FAAH2: variants seen among roughly 807,000 people sequenced by gnomAD.
FAAH2 encodes fatty-acid amide hydrolase 2.
Under a neutral mutation model 36.9 loss-of-function variants are expected in FAAH2, and 60 were observed. The observed-to-expected ratio is 1.63, with a 90% CI of 1.32 to 2.02. FAAH2 has a LOEUF of 2.02. FAAH2 is among the 30% of genes most tolerant of loss of function. The probability of loss-of-function intolerance (pLI) is 0.00; values close to 1 mark genes in which losing one functional copy is unlikely to be tolerated. For synonymous variants in FAAH2, 214 were observed against 143.8 expected, an observed-to-expected ratio of 1.49 and a Z score of -3.49; for missense variants, 689 against 397.5, an observed-to-expected ratio of 1.73 and a Z score of -6.23.
At chrX:57,193,577 C>T in the FAAH2 span, among the ~76,000 whole-genome samples, 173 of 111,329 alleles carry the variant, frequency 1.6e-3, no homozygotes, top group African/African-American at 5.3e-3. Flanking sequence ...TGGAGCATCA[C>T]GGAACCTACC....
chrX:57,448,367 A>T (rs899568419), intron 9 of FAAH2, among the ~76,000 whole-genome samples, 157 bp from the exon 10 acceptor site: 9 of 112,696 alleles, frequency 8.0e-5, no homozygotes. Flanking sequence ...ACAAACTAGA[A>T]GGAGTTAAAA....
chrX:57,275,290 T>G, the FAAH2 span, among the ~76,000 whole-genome samples: 1 of 112,534 alleles, frequency 8.9e-6, no homozygotes, highest in Admixed American at 9.4e-5. Flanking sequence ...ATCTCTTCAT[T>G]GCTGAACATA....
chrX:57,254,122 G>A, the FAAH2 span, among the ~76,000 whole-genome samples: 132 of 110,588 alleles, frequency 1.2e-3, no homozygotes, highest in African/African-American at 4.2e-3. Context: ...GGCAAGGGGT[G>A]CAATCCTGGT....
At chrX:57,454,720 A>G (rs1411896925) in intron 10 of FAAH2, among the ~76,000 whole-genome samples, 1 of 112,020 alleles carries the variant, frequency 8.9e-6, no homozygotes, top group African/African-American at 3.2e-5. Context: ...CTGGAAGACC[A>G]GCTTATACAA....
chrX:57,171,637 G>A, the FAAH2 span, among the ~76,000 whole-genome samples: 2 of 111,446 alleles, frequency 1.8e-5, no homozygotes, highest in Non-Finnish European at 3.8e-5. Context: ...ATTTGTTCGA[G>A]TTCCTTGTAG....
At chrX:57,276,505 T>C in the FAAH2 span, among the ~76,000 whole-genome samples, 1 of 110,633 alleles carries the variant, frequency 9.0e-6, no homozygotes, top group Admixed American at 9.6e-5. Context: ...AACACCACAG[T>C]TGAAATAACT....
chrX:57,329,108 C>T (rs978008560), intron 3 of FAAH2, among the ~76,000 whole-genome samples: 3 of 112,266 alleles, frequency 2.7e-5, no homozygotes, highest in Non-Finnish European at 3.8e-5. Flanking sequence ...TTATGCTCCT[C>T]AGCTGCAGCA....
At chrX:57,356,349 T>A (rs757462222) in intron 5 of FAAH2, among the ~76,000 whole-genome samples, 9 of 110,871 alleles carry the variant, frequency 8.1e-5, no homozygotes, top group Non-Finnish European at 1.3e-4. Context: ...AAAAAAAAAG[T>A]TAGATAGAAT....
chrX:57,419,248 G>T (rs1205280141), intron 7 of FAAH2, among the ~76,000 whole-genome samples: 2 of 110,637 alleles, frequency 1.8e-5, no homozygotes, highest in Non-Finnish European at 3.8e-5. Context: ...TGGGATGGCT[G>T]GGTCAAATGG....
Position 57,292,504 on chromosome X carries a change from T to G in FAAH2, c.199T>G (p.Cys67Gly). ...AKLIRQRKVK[C>G]IDVVQAYINR... ...AAAGTATTGTATTTTGCAGGTGAAA[T>G]GTATAGATGTTGTTCAGGCTTATAT... The change falls in exon 2 of 11, where the codon TGT becomes GGT. Residue 67 changes from cysteine (C) to glycine (G), a missense_variant. Physicochemically the swap from Cys to Gly is radical, Grantham distance 159. Coordinates refer to ENST00000374900, the MANE Select transcript of FAAH2 (RefSeq NM_174912.4). 1 of 1,205,186 alleles carries G rather than the reference T, an allele frequency of 8.3e-7. No homozygotes were observed. Among genetic ancestry groups the G allele is most frequent in the Non-Finnish European group, 1.1e-6 (1 of 891,881 alleles).
the FAAH2 span, among the ~76,000 whole-genome samples, chrX:57,217,037 A>G: frequency 3.6e-5 from 4 of 110,787 alleles, no homozygotes; most frequent in Non-Finnish European, 7.6e-5. Flanking sequence ...GTGATGTTGA[A>G]CATTTTTTCA....
chrX:57,394,313 G>T, intron 7 of FAAH2: 1 of 1,033,940 alleles, frequency 9.7e-7, no homozygotes, highest in Non-Finnish European at 1.4e-6. Flanking sequence ...GGGTGTTGGA[G>T]TTATTCCAGT....
At chrX:57,158,418 G>A in the FAAH2 span, among the ~76,000 whole-genome samples, 19 of 111,886 alleles carry the variant, frequency 1.7e-4, no homozygotes, top group East Asian at 2.8e-4. Context: ...CTGAGGAATC[G>A]CCACACTGAC....
At chrX:57,175,899 C>G in the FAAH2 span, among the ~76,000 whole-genome samples, 3 of 111,777 alleles carry the variant, frequency 2.7e-5, no homozygotes, top group African/African-American at 9.7e-5. Context: ...AGATAGGACC[C>G]CAATTGGTTC....
chrX:57,475,450 C>T (rs748728202), intron 10 of FAAH2, among the ~76,000 whole-genome samples: 16 of 111,030 alleles, frequency 1.4e-4, no homozygotes, highest in Admixed American at 6.7e-4. Flanking sequence ...TTAAATAGTG[C>T]GTCTTTCCCC....
the FAAH2 span, among the ~76,000 whole-genome samples, chrX:57,150,649 T>C: frequency 1.8e-5 from 2 of 112,180 alleles, no homozygotes; most frequent in Admixed American, 1.9e-4. Flanking sequence ...TGAGCCTATG[T>C]GTATCTCTGC....
In FAAH2 at chrX:57,413,774, G is replaced by T. The variant is rs868348150; in HGVS notation, c.997-18144G>T. On this transcript the variant is annotated intron_variant, in intron 7 of 10. Transcript: ENST00000374900. ...AGTCAATGGTAGCTTGATGGGGATAGCATTGAATTTATAAATTACTTTGGG... is the reference window on the plus strand; with the variant it reads ...AGTCAATGGTAGCTTGATGGGGATATCATTGAATTTATAAATTACTTTGGG... 2.7e-5 allele frequency among the ~76,000 whole-genome samples: 3 copies of T among 111,764 alleles called. No individual in the cohort carries two copies. The Admixed American group carries it at 2.9e-4, about 11-fold the overall frequency.
chrX:57,313,338 A>G (rs2052747021), intron 3 of FAAH2, among the ~76,000 whole-genome samples: 1 of 110,096 alleles, frequency 9.1e-6, no homozygotes, highest in Admixed American at 9.7e-5. Flanking sequence ...GAAGAGGTTG[A>G]CACCAGTCTC....
At chrX:57,447,766 C>T (rs1236788712) in intron 9 of FAAH2, among the ~76,000 whole-genome samples, 3 of 111,268 alleles carry the variant, frequency 2.7e-5, no homozygotes, top group Non-Finnish European at 5.7e-5. Flanking sequence ...GGGTCCTGGG[C>T]CTGGTCCATG....
Sources: allele counts gnomAD v4.1 joint callset (sites outside exome capture counted in the v4.1 genomes callset), GRCh38; gene constraint gnomAD v4.1.1; transcripts MANE v1.5; gene names NCBI Gene and HGNC (gene_info 2026-07-23, HGNC 2026-07-21).